Variants in KIF13A observed in about 807,000 individuals in gnomAD.
The protein encoded by KIF13A is kinesin family member 13A.
KIF13A carries 79 observed loss-of-function variants against 212.2 expected under a neutral mutation model. The observed-to-expected ratio is 0.37, with a 90% CI of 0.31 to 0.45. The LOEUF (loss-of-function observed/expected upper bound fraction) is 0.45, where lower values mean the gene tolerates loss of function less well. KIF13A is among the 20% of genes least tolerant of loss of function. KIF13A has a pLI of 1.00. For missense variants in KIF13A, 1,901 were observed against 2,209.0 expected (o/e 0.86, Z 2.79); for synonymous variants, 789 against 808.6 (o/e 0.98, Z 0.41).
chr6:17,924,172 A>G (rs1775307623), intron 2 of KIF13A, among the ~76,000 whole-genome samples: 1 of 152,124 alleles, frequency 6.6e-6, no homozygotes, highest in East Asian at 1.9e-4. Context: ...AGCAGAGATG[A>G]TATTTCTAAG....
Position 17,773,397 on chromosome 6 carries a change from T to C in KIF13A, c.4324+81A>G, listed in dbSNP as rs2150295070. 2.7e-6 allele frequency: 2 copies of C among 745,514 alleles called. No homozygotes were observed. The highest frequency in any genetic ancestry group is 5.0e-5 in the East Asian group (2 of 39,744). 46.2% of individuals were successfully genotyped at this position (745,514 alleles called of 1,614,324 possible). Reference sequence around the variant, plus strand: ...AATATCAGCTTCATATCTTATTATATGCCATTAATGAAAGACATTTTTTCA... The same window carrying C: ...AATATCAGCTTCATATCTTATTATACGCCATTAATGAAAGACATTTTTTCA... On this transcript the variant is annotated intron_variant, in intron 36 of 38. Coordinates refer to ENST00000259711, the MANE Select transcript of KIF13A (RefSeq NM_022113.6). This position sits in a 1 kb window ranked among gnomAD's most constrained non-coding sequence, Gnocchi z 4.2.
At position 17,825,975 on chromosome 6, in the gene KIF13A, A is replaced by G; in HGVS notation, c.1620-41T>C. 1.9e-6 allele frequency: 3 copies of G among 1,611,038 alleles called. No individual in the cohort carries two copies. The highest frequency in any genetic ancestry group is 3.3e-4 in the Middle Eastern group (2 of 6,052). On this transcript the variant is annotated intron_variant, in intron 15 of 38. Coordinates refer to ENST00000259711, the MANE Select transcript of KIF13A (RefSeq NM_022113.6). The surrounding 1 kb of genome is among the most constrained non-coding windows in gnomAD (Gnocchi z 4.5). ...CCATTAGAGAAAATCAACTTGTTTT[A>G]CACTTAAATAGATAACAGAAAAAAT... is the stretch of plus-strand genomic sequence containing the variant.
rs376393481 is a variant in KIF13A at position 17,779,103 on chromosome 6, C to G, written c.3940-4G>C. 5 of 1,612,650 alleles carry G rather than the reference C, an allele frequency of 3.1e-6. No homozygotes were observed. Among genetic ancestry groups the G allele is most frequent in the South Asian group, 1.1e-5 (1 of 91,018 alleles). On this transcript the variant is annotated splice_region_variant and splice_polypyrimidine_tract_variant and intron_variant, in intron 32 of 38. Transcript: ENST00000259711. ...GGTCCTCTATCTCCTCAGTTGCCTA[C>G]GAGGACAGGAAGGAAGTGACAATAC...
rs1279469343 is a variant in KIF13A at position 17,912,026 on chromosome 6, A to T, written c.147-13846T>A. On this transcript the variant is annotated intron_variant, in intron 2 of 38. Transcript: ENST00000259711. This position sits in a 1 kb window ranked among gnomAD's most constrained non-coding sequence, Gnocchi z 4.2. ...CGATTACCCCGTCTTGGGCTCCCAA[A>T]GTGCTGGGATTACAGGCATGAGGCA... is the stretch of plus-strand genomic sequence containing the variant. Among the ~76,000 whole-genome samples, 2 of 152,152 alleles carry T rather than the reference A, an allele frequency of 1.3e-5. No individual in the cohort carries two copies. The highest frequency in any genetic ancestry group is 4.8e-5 in the African/African-American group (2 of 41,444).
At chr6:17,940,027 G>A (rs1490635018) in intron 2 of KIF13A, among the ~76,000 whole-genome samples, 5 of 137,256 alleles carry the variant, frequency 3.6e-5, no homozygotes, top group East Asian at 2.2e-4. Context: ...GGGAGACAGA[G>A]CGAGACTCCG....
intron 16 of KIF13A, among the ~76,000 whole-genome samples, chr6:17,824,937 CTACCTTTCTCAGG>C (rs1217476890): frequency 1.3e-5 from 2 of 152,092 alleles, no homozygotes. Flanking sequence ...AGCCTACAAA[CTACCTTTCTCAGG>C]TACCCCTAAA....
intron 17 of KIF13A, among the ~76,000 whole-genome samples, chr6:17,810,909 C>T (rs925913262): frequency 1.3e-5 from 2 of 152,172 alleles, no homozygotes; most frequent in East Asian, 1.9e-4. Flanking sequence ...GCTTGCTGGC[C>T]CACTATTCAC....
At chr6:17,770,866 A>G (rs1310051038) in intron 38 of KIF13A, 1 of 599,746 alleles carries the variant, frequency 1.7e-6, no homozygotes, top group Non-Finnish European at 2.5e-6. Flanking sequence ...TAAAGGCCAG[A>G]AGCAATAAAA....
At position 17,785,408 on chromosome 6, in the gene KIF13A, C is replaced by T. The variant is rs1760965501; in HGVS notation, c.3488+107G>A. ...AGTGGACATTCCCTAAGTAGTTCAGCTGGTTGGCATTTTCTGTGACAATCC... is the reference window on the plus strand; with the variant it reads ...AGTGGACATTCCCTAAGTAGTTCAGTTGGTTGGCATTTTCTGTGACAATCC... On this transcript the variant is annotated intron_variant, in intron 28 of 38. Coordinates refer to ENST00000259711, the MANE Select transcript of KIF13A (RefSeq NM_022113.6). This position sits in a 1 kb window ranked among gnomAD's most constrained non-coding sequence, Gnocchi z 5.8. The T allele has an allele frequency of 1.6e-6, 2 of 1,273,460 alleles. No homozygotes were observed. Among genetic ancestry groups the T allele is most frequent in the Admixed American group, 6.4e-5 (2 of 31,046 alleles). The allele number at this position is 1,273,460 out of a possible 1,614,324, so 78.9% of individuals were successfully genotyped here. A position where few individuals can be genotyped will look rare whatever the true frequency, so the allele number is the denominator to read the frequency against.
chr6:17,790,918 TAAAC>T (rs771253975), intron 25 of KIF13A, among the ~76,000 whole-genome samples: 54 of 152,180 alleles, frequency 3.5e-4, no homozygotes, highest in Middle Eastern at 3.4e-3. Context: ...GTAAAATAAA[TAAAC>T]AAAGTAACAA....
At chr6:17,906,375 C>T (rs1297757483) in intron 2 of KIF13A, among the ~76,000 whole-genome samples, 1 of 150,606 alleles carries the variant, frequency 6.6e-6, no homozygotes, top group African/African-American at 2.4e-5. Flanking sequence ...TCCTTCCCTC[C>T]CTCCCTCCCT....
intron 11 of KIF13A, among the ~76,000 whole-genome samples, chr6:17,836,022 C>T (rs1296923565): frequency 1.3e-5 from 2 of 152,188 alleles, no homozygotes; most frequent in Non-Finnish European, 2.9e-5. Context: ...GGCACTTGGC[C>T]TCCAAAGCTG....
intron 2 of KIF13A, among the ~76,000 whole-genome samples, chr6:17,924,853 C>T (rs1381523686): frequency 6.6e-6 from 1 of 152,066 alleles, no homozygotes; most frequent in African/African-American, 2.4e-5. Flanking sequence ...GTGATCATAG[C>T]TGGGTATGAA....
rs988142351 is a variant in KIF13A at position 17,899,759 on chromosome 6, C to A, written c.147-1579G>T. Among the ~76,000 whole-genome samples, 1 of 152,154 alleles carries A rather than the reference C, an allele frequency of 6.6e-6. No homozygotes were observed. The highest frequency in any genetic ancestry group is 1.5e-5 in the Non-Finnish European group (1 of 68,028). ...AATAACTGGTATCTCTGGCTGCCAT[C>A]AAGCAAGTCTCAACATATTTGTATG... On this transcript the variant is annotated intron_variant, in intron 2 of 38. Coordinates refer to ENST00000259711, the MANE Select transcript of KIF13A (RefSeq NM_022113.6). The surrounding 1 kb of genome is among the most constrained non-coding windows in gnomAD (Gnocchi z 5.2).
intron 2 of KIF13A, among the ~76,000 whole-genome samples, chr6:17,976,040 T>C (rs1780409497): frequency 6.6e-6 from 1 of 152,190 alleles, no homozygotes; most frequent in African/African-American, 2.4e-5. Flanking sequence ...TTGAGCTAGA[T>C]ACAGAATGCC....
At chr6:17,974,110 C>G (rs1236468806) in intron 2 of KIF13A, among the ~76,000 whole-genome samples, 1 of 152,174 alleles carries the variant, frequency 6.6e-6, no homozygotes, top group African/African-American at 2.4e-5. Context: ...GAGACGGAGT[C>G]TTGCTCTGTC....
In KIF13A at chr6:17,833,941, G is replaced by A. The variant is rs1484822094; in HGVS notation, c.1266+20C>T. ...AGTGAAAAAGAATCCCAATATTTTA[G>A]GGCTAAATTATCAAGCTACCTGTGC... On this transcript the variant is annotated intron_variant, in intron 12 of 38. Coordinates refer to ENST00000259711, the MANE Select transcript of KIF13A (RefSeq NM_022113.6). 1 of 1,308,146 alleles carries A rather than the reference G, an allele frequency of 7.6e-7. No individual in the cohort carries two copies. Among genetic ancestry groups the A allele is most frequent in the South Asian group, 1.3e-5 (1 of 74,980 alleles). 81.0% of individuals were successfully genotyped at this position (1,308,146 alleles called of 1,614,324 possible). A position where few individuals can be genotyped will look rare whatever the true frequency, so the allele number is the denominator to read the frequency against.
At position 17,984,941 on chromosome 6, in the gene KIF13A, T is replaced by C. The variant is rs114499295; in HGVS notation, c.146+2113A>G. 5.7e-3 allele frequency among the ~76,000 whole-genome samples: 871 copies of C among 152,274 alleles called. 6 individuals are homozygous for C. Among genetic ancestry groups the C allele is most frequent in the African/African-American group, 0.02 (820 of 41,536 alleles). On this transcript the variant is annotated intron_variant, in intron 2 of 38. Transcript: ENST00000259711. The surrounding 1 kb of genome is among the most constrained non-coding windows in gnomAD (Gnocchi z 5.0). ...ATCAACCCAGAGCCCAAGGGAGGAA[T>C]TGTTTCTATTTTTAAATGCACTGTT...
intron 32 of KIF13A, 132 bp downstream of exon 32, chr6:17,779,460 T>G (rs1365773969): frequency 2.3e-6 from 1 of 440,198 alleles, no homozygotes; most frequent in Non-Finnish European, 4.2e-6. Flanking sequence ...TTAGTAGAGA[T>G]AGGGTTTCTC....
Sources: allele counts gnomAD v4.1 joint callset (sites outside exome capture counted in the v4.1 genomes callset), GRCh38; gene constraint gnomAD v4.1.1; non-coding constraint Gnocchi (gnomAD v3.1); transcripts MANE v1.5; gene names NCBI Gene and HGNC (gene_info 2026-07-23, HGNC 2026-07-21).